Variants in TBC1D19 observed in about 807,000 individuals in gnomAD.
The protein encoded by TBC1D19 is TBC1 domain family member 19.
TBC1D19 carries 60 observed loss-of-function variants against 89.0 expected under a neutral mutation model. The observed-to-expected ratio is 0.67, with a 90% CI of 0.55 to 0.84. TBC1D19 has a LOEUF of 0.84. TBC1D19 is among the 40% of genes least tolerant of loss of function. The pLI is 0.00. For synonymous variants in TBC1D19, 189 were observed against 199.7 expected (o/e 0.95, Z 0.45); for missense variants, 500 against 610.8 (o/e 0.82, Z 1.91).
chr4:26,715,847 G>A (rs1010253443), intron 13 of TBC1D19, among the ~76,000 whole-genome samples: 4 of 152,036 alleles, frequency 2.6e-5, no homozygotes, highest in Admixed American at 6.6e-5. Flanking sequence ...AGGATCTCTG[G>A]GTGGTGTGTC....
chr4:26,658,877 T>C (rs1360612603), intron 7 of TBC1D19, among the ~76,000 whole-genome samples: 2 of 152,206 alleles, frequency 1.3e-5, no homozygotes, highest in Non-Finnish European at 2.9e-5. Context: ...ATGATTTGGC[T>C]CTCTGTTTGT....
rs911895548 is a variant in TBC1D19 at position 26,676,953 on chromosome 4, C to G, written c.816+3065C>G. Among the ~76,000 whole-genome samples, 8 of 152,076 alleles carry G rather than the reference C, an allele frequency of 5.3e-5. No individual in the cohort carries two copies. The East Asian group carries it at 1.5e-3, about 29-fold the overall frequency. ...TCCCAAAGCCTCAGTTACCAGTTAC[C>G]TCAAATCTATATGCCTTCTTCTCAG... is the stretch of plus-strand genomic sequence containing the variant. On this transcript the variant is annotated intron_variant, in intron 11 of 20. Transcript: ENST00000264866.
intron 13 of TBC1D19, among the ~76,000 whole-genome samples, chr4:26,701,235 T>G (rs1253924182): frequency 2.0e-5 from 3 of 152,154 alleles, no homozygotes; most frequent in African/African-American, 4.8e-5. Context: ...ATAAATATAT[T>G]CAGAGAGCCA....
chr4:26,612,652 G>C (rs555826763), intron 1 of TBC1D19, among the ~76,000 whole-genome samples: 1 of 152,158 alleles, frequency 6.6e-6, no homozygotes, highest in South Asian at 2.1e-4. Flanking sequence ...ACATGCACTT[G>C]AAGATAAAAC....
At position 26,688,280 on chromosome 4, in the gene TBC1D19, T is replaced by G. The variant is rs1713989284; in HGVS notation, c.892-65T>G. On this transcript the variant is annotated intron_variant, in intron 12 of 20. Coordinates refer to ENST00000264866, the MANE Select transcript of TBC1D19 (RefSeq NM_018317.4). ...GCAGTAGTGCTTCTAAATACATGTG[T>G]ATGCTTTAGTACTACAGACAGATCT... 7 of 1,486,104 alleles carry G rather than the reference T, an allele frequency of 4.7e-6. No individual in the cohort carries two copies. In the South Asian group the frequency reaches 9.3e-5, roughly 20 times the overall value. 92.1% of individuals were successfully genotyped at this position (1,486,104 alleles called of 1,614,324 possible).
chr4:26,641,535 A>G (rs1320168753), intron 7 of TBC1D19, among the ~76,000 whole-genome samples: 1 of 152,264 alleles, frequency 6.6e-6, no homozygotes, highest in Non-Finnish European at 1.5e-5. Flanking sequence ...AAAGGATCGC[A>G]GCTCCTTGCC....
intron 4 of TBC1D19, among the ~76,000 whole-genome samples, chr4:26,629,721 T>C (rs1370915054): frequency 6.6e-6 from 1 of 151,916 alleles, no homozygotes; most frequent in African/African-American, 2.4e-5. Flanking sequence ...AAAGAAACAA[T>C]GTTACATAGG....
In TBC1D19 at chr4:26,694,166, G is replaced by A. The variant is rs186618222; in HGVS notation, c.954+5759G>A. Among the ~76,000 whole-genome samples the A allele has an allele frequency of 9.1e-3, 1,388 of 152,258 alleles. 17 individuals are homozygous for A. The highest frequency in any genetic ancestry group is 0.013 in the Non-Finnish European group (905 of 68,010). On this transcript the variant is annotated intron_variant, in intron 13 of 20. Coordinates refer to ENST00000264866, the MANE Select transcript of TBC1D19 (RefSeq NM_018317.4). Reference sequence around the variant, plus strand: ...TTTCTAGCCAAGAGAAGGGGTGACAGACGGCACCTGGAAAATCGGGTCACT... The same window carrying A: ...TTTCTAGCCAAGAGAAGGGGTGACAAACGGCACCTGGAAAATCGGGTCACT...
upstream of TBC1D19, among the ~76,000 whole-genome samples, chr4:26,583,716 T>C (rs371968845): frequency 8.6e-4 from 131 of 152,316 alleles, no homozygotes; most frequent in Middle Eastern, 3.4e-3. Flanking sequence ...AGGCGGAAAC[T>C]GTAACACGTT....
Position 26,666,371 on chromosome 4 carries a change from A to G in TBC1D19, c.630A>G (p.Gln210=), listed in dbSNP as rs766487016. Reference sequence around the variant, plus strand: ...TGGAACTTGGCTTAAATATAGGACAACTGGGTATAGATGATTCTACACAAG... The same window carrying G: ...TGGAACTTGGCTTAAATATAGGACAGCTGGGTATAGATGATTCTACACAAG... The part of the protein sequence containing the change: ...CFVELGLNIG[Q]LGIDDSTQVP... Residue 210 remains glutamine (Q), a synonymous_variant, in exon 9 of 21, where the codon CAA becomes CAG. Transcript: ENST00000264866. The G allele has an allele frequency of 2.5e-6, 4 of 1,610,984 alleles. No individual in the cohort carries two copies. Among genetic ancestry groups the G allele is most frequent in the Admixed American group, 1.7e-5 (1 of 59,934 alleles).
At chr4:26,588,246 C>T (rs1007417439) in intron 1 of TBC1D19, among the ~76,000 whole-genome samples, 10 of 152,000 alleles carry the variant, frequency 6.6e-5, no homozygotes, top group African/African-American at 2.2e-4. Flanking sequence ...AGGATGGTCT[C>T]GATCTCCTGA....
At chr4:26,827,717 G>GT in the TBC1D19 span, among the ~76,000 whole-genome samples, 55,559 of 143,582 alleles carry the variant, frequency 0.39, 11,008 homozygotes, top group Middle Eastern at 0.44. Context: ...TTTTTGTTTT[G>GT]TTTTTTTTTT....
the TBC1D19 span, among the ~76,000 whole-genome samples, chr4:26,786,481 A>T: frequency 2.4e-4 from 37 of 152,142 alleles, no homozygotes; most frequent in African/African-American, 8.4e-4. Flanking sequence ...AAAAATACAA[A>T]AAATTAGCCA....
At chr4:26,651,781 C>G (rs368458240) in intron 7 of TBC1D19, among the ~76,000 whole-genome samples, 12 of 152,270 alleles carry the variant, frequency 7.9e-5, no homozygotes, top group South Asian at 2.1e-4. Context: ...GGGCATCCCT[C>G]TCTTGTGCCA....
chr4:26,816,789 C>T, the TBC1D19 span, among the ~76,000 whole-genome samples: 1 of 151,462 alleles, frequency 6.6e-6, no homozygotes, highest in Non-Finnish European at 1.5e-5. Flanking sequence ...ATGTCAATAT[C>T]ATGAAAGACA....
In TBC1D19 at chr4:26,585,545, A is replaced by G. The variant is rs550000767; in HGVS notation, c.99+1253A>G. On this transcript the variant is annotated intron_variant, in intron 1 of 20. Coordinates refer to ENST00000264866, the MANE Select transcript of TBC1D19 (RefSeq NM_018317.4). ...TTCTTTCTATATGATGTAAGTCTTT[A>G]TCAGATGTGCGTCTTGCAAATATTT... 3.3e-5 allele frequency among the ~76,000 whole-genome samples: 5 copies of G among 151,458 alleles called. No homozygotes were observed. In the South Asian group the frequency reaches 1.0e-3, roughly 32 times the overall value.
At chr4:26,751,300 C>T (rs1718944078) in intron 19 of TBC1D19, among the ~76,000 whole-genome samples, 1 of 152,146 alleles carries the variant, frequency 6.6e-6, no homozygotes, top group African/African-American at 2.4e-5. Context: ...AACAGTTTCC[C>T]ACTGTGTAAA....
intron 11 of TBC1D19, among the ~76,000 whole-genome samples, chr4:26,681,379 A>T (rs1022502296): frequency 6.6e-6 from 1 of 151,654 alleles, no homozygotes; most frequent in African/African-American, 2.4e-5. Context: ...CTCTAATAAA[A>T]ATACAAAAAA....
chr4:26,701,079 A>G (rs779485045), intron 13 of TBC1D19, among the ~76,000 whole-genome samples: 31 of 152,116 alleles, frequency 2.0e-4, no homozygotes, highest in Non-Finnish European at 2.6e-4. Context: ...TAAGTTCACT[A>G]TACTCCTTTC....
Sources: gnomAD v4.1 joint callset for allele counts (sites outside exome capture counted in the v4.1 genomes callset) on GRCh38, gnomAD v4.1.1 for gene constraint, MANE v1.5 for transcripts, NCBI Gene and HGNC (gene_info 2026-07-23, HGNC 2026-07-21) for gene names.